TMEM163: variants seen among roughly 807,000 people sequenced by gnomAD.
TMEM163 encodes transmembrane protein 163.
Under a neutral mutation model 29.3 loss-of-function variants are expected in TMEM163, and 17 were observed. The observed-to-expected ratio is 0.58, with a 90% CI of 0.40 to 0.87. TMEM163 has a LOEUF of 0.87. Among genes scored for constraint, TMEM163 ranks in the 40% least tolerant of loss-of-function variants. The probability of loss-of-function intolerance (pLI) is 0.00; values close to 1 mark genes in which losing one functional copy is unlikely to be tolerated. For synonymous variants in TMEM163, 157 were observed against 160.6 expected (o/e 0.98, Z 0.17); for missense variants, 303 against 381.5 (o/e 0.79, Z 1.71).
intron 2 of TMEM163, among the ~76,000 whole-genome samples, chr2:134,600,162 AC>A (rs1487424666): frequency 1.3e-5 from 2 of 152,252 alleles, no homozygotes; most frequent in African/African-American, 4.8e-5. Flanking sequence ...AATGAAAATA[AC>A]ATACAACTGT....
chr2:134,628,479 A>C (rs1682900088), intron 2 of TMEM163, among the ~76,000 whole-genome samples: 1 of 152,262 alleles, frequency 6.6e-6, no homozygotes, highest in African/African-American at 2.4e-5. Context: ...AGTTTATGCC[A>C]ACAATGGGAT....
intron 5 of TMEM163, among the ~76,000 whole-genome samples, chr2:134,491,511 T>A (rs542199465): frequency 6.6e-6 from 1 of 152,176 alleles, no homozygotes; most frequent in East Asian, 1.9e-4. Context: ...GGCTTTCAGA[T>A]CCCAAATTCT....
chr2:134,518,644 A>G (rs1181511862), intron 4 of TMEM163, among the ~76,000 whole-genome samples: 1 of 152,140 alleles, frequency 6.6e-6, no homozygotes, highest in Non-Finnish European at 1.5e-5. Context: ...AACACCGTGT[A>G]CTTTCTAGCA....
rs926685885 is a variant in TMEM163, at chr2:134,632,651, C to T, written c.322+80549G>A. 5.3e-5 allele frequency among the ~76,000 whole-genome samples: 8 copies of T among 152,236 alleles called. No homozygotes were observed. In the South Asian group the frequency reaches 8.3e-4, roughly 16 times the overall value. On this transcript the variant is annotated intron_variant, in intron 2 of 7. Coordinates refer to ENST00000281924, the MANE Select transcript of TMEM163 (RefSeq NM_030923.5). ...TCCTCAAAGGGTGGAAGGAGAGGGG[C>T]GCTGCCTTCAATCTCTTTTATAAGG...
At chr2:134,644,949 T>G (rs1282777954) in intron 2 of TMEM163, among the ~76,000 whole-genome samples, 2 of 152,068 alleles carry the variant, frequency 1.3e-5, no homozygotes, top group Non-Finnish European at 2.9e-5. Context: ...TGAAAAACGG[T>G]TAAAAGCCTT....
intron 2 of TMEM163, among the ~76,000 whole-genome samples, chr2:134,578,084 C>A (rs868623505): frequency 6.6e-6 from 1 of 152,042 alleles, no homozygotes; most frequent in Non-Finnish European, 1.5e-5. Context: ...AATGTTGAAC[C>A]CTTTTAACCC....
intron 2 of TMEM163, among the ~76,000 whole-genome samples, chr2:134,670,423 C>T (rs1330679549): frequency 6.6e-6 from 1 of 152,180 alleles, no homozygotes; most frequent in African/African-American, 2.4e-5. Flanking sequence ...CGTGGGGGAA[C>T]ACTGGCAGGG....
intron 2 of TMEM163, among the ~76,000 whole-genome samples, chr2:134,582,886 T>C (rs149597602): frequency 9.2e-4 from 140 of 152,272 alleles, no homozygotes; most frequent in African/African-American, 3.2e-3. Context: ...GGGGCCTAAA[T>C]TCCCTTCTAC....
At chr2:134,648,205 T>C (rs574625730) in intron 2 of TMEM163, among the ~76,000 whole-genome samples, 90 of 152,228 alleles carry the variant, frequency 5.9e-4, no homozygotes, top group African/African-American at 1.9e-3. Flanking sequence ...CCATCCCCAG[T>C]TGGACTCCTC....
intron 4 of TMEM163, among the ~76,000 whole-genome samples, chr2:134,548,266 C>A (rs963666760): frequency 4.6e-5 from 7 of 152,074 alleles, no homozygotes; most frequent in African/African-American, 1.7e-4. Flanking sequence ...CAAAAATATT[C>A]TAATATCAAC....
intron 2 of TMEM163, among the ~76,000 whole-genome samples, chr2:134,661,027 C>T (rs1683736024): frequency 6.6e-6 from 1 of 152,190 alleles, no homozygotes; most frequent in Non-Finnish European, 1.5e-5. Context: ...TGGATTGATG[C>T]TGTCACTGCA....
chr2:134,701,941 T>G (rs1404720095), intron 2 of TMEM163, among the ~76,000 whole-genome samples: 2 of 125,080 alleles, frequency 1.6e-5, no homozygotes, highest in East Asian at 4.3e-4. Context: ...AAAAAAAGAA[T>G]TTCAAACAGA....
At chr2:134,563,983 G>A (rs995059122) in intron 2 of TMEM163, among the ~76,000 whole-genome samples, 1 of 152,070 alleles carries the variant, frequency 6.6e-6, no homozygotes, top group East Asian at 1.9e-4. Flanking sequence ...ACCCGGAGGC[G>A]GAGGTTGCAG....
intron 2 of TMEM163, among the ~76,000 whole-genome samples, chr2:134,580,564 A>C (rs1204439498): frequency 6.6e-6 from 1 of 152,204 alleles, no homozygotes; most frequent in Admixed American, 6.5e-5. Context: ...TCAGTCTTTG[A>C]GACAACAAGA....
chr2:134,554,451 GA>G (rs899820156), intron 2 of TMEM163, among the ~76,000 whole-genome samples: 1 of 142,508 alleles, frequency 7.0e-6, no homozygotes, highest in African/African-American at 2.7e-5. Context: ...AAAAAAAAGA[GA>G]GAGAGAGAAA....
Position 134,456,382 on chromosome 2 carries a change from C to G in TMEM163, c.*334G>C, listed in dbSNP as rs1686394415. ...GGAGGTGGGTCTGCTCAGTCCTATG[C>G]AGCGCAGGCTCAGAGCACCACCGAA... is the stretch of plus-strand genomic sequence containing the variant. On this transcript the variant is annotated 3_prime_UTR_variant, in exon 8 of 8. Transcript: ENST00000281924. The G allele has an allele frequency of 1.2e-5, 4 of 323,608 alleles. No homozygotes were observed. The highest frequency in any genetic ancestry group is 2.4e-5 in the Non-Finnish European group (4 of 168,136). 20.0% of individuals were successfully genotyped at this position (323,608 alleles called of 1,614,324 possible). A position where few individuals can be genotyped will look rare whatever the true frequency, so the allele number is the denominator to read the frequency against.
chr2:134,555,317 T>G (rs896773585), intron 2 of TMEM163, among the ~76,000 whole-genome samples: 5 of 152,158 alleles, frequency 3.3e-5, no homozygotes, highest in African/African-American at 1.2e-4. Context: ...ACTTCCCTCA[T>G]GCTAAGAATG....
intron 2 of TMEM163, among the ~76,000 whole-genome samples, chr2:134,597,207 T>A (rs956862143): frequency 2.0e-5 from 3 of 152,232 alleles, no homozygotes; most frequent in Non-Finnish European, 4.4e-5. Flanking sequence ...TCAAAGGGAA[T>A]GCTTCCAGTT....
intron 2 of TMEM163, among the ~76,000 whole-genome samples, chr2:134,690,574 G>A (rs189190070): frequency 2.5e-4 from 38 of 152,254 alleles, no homozygotes; most frequent in African/African-American, 9.1e-4. Flanking sequence ...ATGAGCCACC[G>A]CACTCAGCCT....
Sources: gnomAD v4.1 joint callset for allele counts (sites outside exome capture counted in the v4.1 genomes callset) on GRCh38, gnomAD v4.1.1 for gene constraint, MANE v1.5 for transcripts, NCBI Gene and HGNC (gene_info 2026-07-23, HGNC 2026-07-21) for gene names.